ZUP1: variants seen among roughly 807,000 people sequenced by gnomAD.
The protein encoded by ZUP1 is zinc finger containing ubiquitin peptidase 1.
Under a neutral mutation model 68.1 loss-of-function variants are expected in ZUP1, and 55 were observed. The observed-to-expected ratio is 0.81, with a 90% CI of 0.65 to 1.01. ZUP1 has a LOEUF of 1.01. Among genes scored for constraint, ZUP1 ranks in the 50% least tolerant of loss-of-function variants. The probability of loss-of-function intolerance (pLI) is 0.00; values close to 1 mark genes in which losing one functional copy is unlikely to be tolerated. For synonymous variants in ZUP1, 223 were observed against 221.5 expected (o/e 1.01, Z -0.06); for missense variants, 684 against 674.9 (o/e 1.01, Z -0.15).
At position 116,645,894 on chromosome 6, in the gene ZUP1, G is replaced by GT. The variant is rs748966464; in HGVS notation, c.1508dup (p.Asn503LysfsTer10). On this transcript the variant is annotated frameshift_variant, in exon 9 of 10. Transcript: ENST00000368576. LOFTEE classifies it high-confidence loss of function. The stretch of plus-strand genomic sequence containing the variant: ...CAAGTATTAGTAAGCATAATGTTCG[G>GT]TTTTTTTTCTCTTCAATTCCAATAA... The GT allele has an allele frequency of 1.3e-5, 21 of 1,612,678 alleles. No homozygotes were observed. The highest frequency in any genetic ancestry group is 2.7e-5 in the African/African-American group (2 of 74,700).
chr6:116,644,234 A>G lies in ZUP1; in HGVS notation c.1689+1480T>C, dbSNP rs1162561993. 4.6e-5 allele frequency among the ~76,000 whole-genome samples: 7 copies of G among 152,252 alleles called. 1 individual carries two copies. Among genetic ancestry groups the G allele is most frequent in the Middle Eastern group, 6.8e-3 (2 of 294 alleles). Reference sequence around the variant, plus strand: ...GGAGAAATAGGAACACTTTTACACTATTGGTGGGACTATAAACTAGTTCAA... The same window carrying G: ...GGAGAAATAGGAACACTTTTACACTGTTGGTGGGACTATAAACTAGTTCAA... On this transcript the variant is annotated intron_variant, in intron 9 of 9. Coordinates refer to ENST00000368576, the MANE Select transcript of ZUP1 (RefSeq NM_145062.3).
At chr6:116,641,254 C>A (rs2115381020) in intron 9 of ZUP1, among the ~76,000 whole-genome samples, 1 of 151,876 alleles carries the variant, frequency 6.6e-6, no homozygotes, top group South Asian at 2.1e-4. Flanking sequence ...ACTTTAACAC[C>A]CCACTGTCAA....
At chr6:116,644,370 C>G (rs1389790026) in intron 9 of ZUP1, among the ~76,000 whole-genome samples, 1 of 152,142 alleles carries the variant, frequency 6.6e-6, no homozygotes. Flanking sequence ...AATCATGCTG[C>G]TATAAAGACA....
chr6:116,658,400 C>G (rs983546597), intron 4 of ZUP1, among the ~76,000 whole-genome samples: 3 of 152,170 alleles, frequency 2.0e-5, no homozygotes, highest in African/African-American at 7.2e-5. Context: ...ATAAATTTCG[C>G]TTCCAAGCAT....
chr6:116,656,837 C>G lies in ZUP1; in HGVS notation c.808G>C (p.Asp270His), dbSNP rs774794433. The part of the protein sequence containing the change: ...FQKLQRQYGL[D>H]NSGGYKQQQL... ...TGTTGTTTGTATCCTCCAGAATTAT[C>G]TAAACCATATTGTCTCTATTGAACA... Residue 270 changes from aspartate (D) to histidine (H), a missense_variant, in exon 5 of 10, where the codon GAT (aspartate) becomes CAT (histidine). Asp to His is a moderately conservative substitution (Grantham distance 81). Transcript: ENST00000368576. The G allele has an allele frequency of 1.2e-6, 2 of 1,601,168 alleles. No homozygotes were observed. The highest frequency in any genetic ancestry group is 3.4e-5 in the Admixed American group (2 of 58,482).
chr6:116,660,663 A>AATT, intron 3 of ZUP1, 73 bp downstream of exon 3: 1 of 781,268 alleles, frequency 1.3e-6, no homozygotes, highest in Non-Finnish European at 1.9e-6. Flanking sequence ...CATATCACAA[A>AATT]TCTAAAAATT....
intron 9 of ZUP1, among the ~76,000 whole-genome samples, chr6:116,643,291 C>T (rs998032278): frequency 3.3e-5 from 5 of 151,414 alleles, no homozygotes; most frequent in African/African-American, 1.2e-4. Flanking sequence ...CAATGCCATC[C>T]CCATCAAGCT....
chr6:116,660,857 G>T lies in ZUP1; in HGVS notation c.560-11C>A. ...GTGGTTGATCACAGTCTGTATCAGA[G>T]ATATAATTAAGTTGTTTTTATTTTT... On this transcript the variant is annotated splice_polypyrimidine_tract_variant and intron_variant, in intron 2 of 9. Coordinates refer to ENST00000368576, the MANE Select transcript of ZUP1 (RefSeq NM_145062.3). 1 of 1,347,912 alleles carries T rather than the reference G, an allele frequency of 7.4e-7. No individual in the cohort carries two copies. The highest frequency in any genetic ancestry group is 1.0e-6 in the Non-Finnish European group (1 of 970,934). The allele number at this position is 1,347,912 out of a possible 1,614,324, so 83.5% of individuals were successfully genotyped here.
chr6:116,640,401 C>T (rs1442961952), intron 9 of ZUP1, among the ~76,000 whole-genome samples: 6 of 151,998 alleles, frequency 3.9e-5, no homozygotes, highest in African/African-American at 1.2e-4. Context: ...TTTACCAAAG[C>T]TGAAATGAAG....
intron 3 of ZUP1, 102 bp from the exon 4 acceptor site, chr6:116,659,026 C>A (rs1776754979): frequency 9.3e-7 from 1 of 1,069,674 alleles, no homozygotes. Flanking sequence ...CTGTTATTTG[C>A]CATTTATTCA....
At position 116,652,072 on chromosome 6, in the gene ZUP1, C is replaced by T. The variant is rs764239824; in HGVS notation, c.1082G>A (p.Gly361Asp). Residue 361 changes from glycine (G) to aspartate (D), a missense_variant, in exon 6 of 10, where the codon GGT (glycine) becomes GAT (aspartate). Transcript: ENST00000368576. ...AAGTAGCATTTGGAAATTTCTGTAA[C>T]CACAACCCCAACCTTTGTCGCCTAA... ...SSLGDKGWGC[G>D]YRNFQMLLSS... is the part of the protein sequence containing the mutation. 5 of 1,613,786 alleles carry T rather than the reference C, an allele frequency of 3.1e-6. No individual in the cohort carries two copies. The highest frequency in any genetic ancestry group is 2.7e-5 in the African/African-American group (2 of 74,874).
chr6:116,667,067 A>C lies in ZUP1; in HGVS notation c.126T>G (p.Asp42Glu). ...CTGTTTCGATATGAAAACACATTTCATCATAATTCACACCTGACAACTTGC... is the reference window on the plus strand; with the variant it reads ...CTGTTTCGATATGAAAACACATTTCCTCATAATTCACACCTGACAACTTGC... ...PFCKLSGVNY[D>E]EMCFHIETAH... Residue 42 changes from aspartate to glutamate, a missense_variant, in exon 2 of 10, where the codon GAT (aspartate) becomes GAG (glutamate). Asp to Glu is a conservative substitution (Grantham distance 45). Coordinates refer to ENST00000368576, the MANE Select transcript of ZUP1 (RefSeq NM_145062.3). 1 of 1,613,846 alleles carries C rather than the reference A, an allele frequency of 6.2e-7. No individual in the cohort carries two copies. Among genetic ancestry groups the C allele is most frequent in the Non-Finnish European group, 8.5e-7 (1 of 1,179,878 alleles).
Position 116,641,255 on chromosome 6 carries a change from C to G in ZUP1, c.1689+4459G>C, listed in dbSNP as rs543289885. Reference sequence around the variant, plus strand: ...AATAATAATGGGAGACTTTAACACCCCACTGTCAACATTAGACAGATCAAC... The same window carrying G: ...AATAATAATGGGAGACTTTAACACCGCACTGTCAACATTAGACAGATCAAC... On this transcript the variant is annotated intron_variant, in intron 9 of 9. Coordinates refer to ENST00000368576, the MANE Select transcript of ZUP1 (RefSeq NM_145062.3). 3.7e-3 allele frequency among the ~76,000 whole-genome samples: 563 copies of G among 151,948 alleles called. 16 individuals are homozygous for G. The South Asian group carries it at 0.064, about 17-fold the overall frequency.
chr6:116,638,739 ACAG>A (rs938212913), intron 9 of ZUP1, among the ~76,000 whole-genome samples: 2 of 152,220 alleles, frequency 1.3e-5, no homozygotes, highest in African/African-American at 4.8e-5. Context: ...GCTCCGGTCT[ACAG>A]CTCCCAGCAT....
Position 116,635,738 on chromosome 6 carries a change from TCA to T in ZUP1, c.*92_*93del, listed in dbSNP as rs918301584. The T allele has an allele frequency of 8.3e-6, 8 of 965,846 alleles. No homozygotes were observed. The highest frequency in any genetic ancestry group is 1.7e-5 in the South Asian group (1 of 58,132). 59.8% of individuals were successfully genotyped at this position (965,846 alleles called of 1,614,324 possible). A position where few individuals can be genotyped will look rare whatever the true frequency, so the allele number is the denominator to read the frequency against. ...ATTATATGTTAAGACTTAAGAGAAT[TCA>T]CAGATTCATAATTGTATTAAGGAGT... On this transcript the variant is annotated 3_prime_UTR_variant, in exon 10 of 10. Coordinates refer to ENST00000368576, the MANE Select transcript of ZUP1 (RefSeq NM_145062.3).
At chr6:116,652,236 T>C (rs752363752) in intron 5 of ZUP1, 44 bp from the exon 6 acceptor site, 8 of 1,469,174 alleles carry the variant, frequency 5.4e-6, no homozygotes, top group African/African-American at 1.4e-5. Context: ...ATCACCTTTA[T>C]ATTGCTATCT....
At chr6:116,665,806 G>A (rs1454134409) in intron 2 of ZUP1, among the ~76,000 whole-genome samples, 9 of 144,690 alleles carry the variant, frequency 6.2e-5, no homozygotes, top group South Asian at 2.2e-4. Context: ...GCCCAGGATC[G>A]TCTCGAACTC....
At position 116,644,680 on chromosome 6, in the gene ZUP1, G is replaced by C. The variant is rs551231417; in HGVS notation, c.1689+1034C>G. On this transcript the variant is annotated intron_variant, in intron 9 of 9. Coordinates refer to ENST00000368576, the MANE Select transcript of ZUP1 (RefSeq NM_145062.3). ...CAGGAAGGGGAACATCACACTCTGG[G>C]GACTGTTGTGGGGTGGGGGGAGTGG... 5.9e-5 allele frequency among the ~76,000 whole-genome samples: 9 copies of C among 151,862 alleles called. 1 individual carries two copies. In the Middle Eastern group the frequency reaches 0.014, roughly 230 times the overall value.
At chr6:116,663,621 C>T (rs1776908957) in intron 2 of ZUP1, among the ~76,000 whole-genome samples, 1 of 152,026 alleles carries the variant, frequency 6.6e-6, no homozygotes, top group South Asian at 2.1e-4. Flanking sequence ...TTAGAATACT[C>T]AAGGGAATTA....
Sources: allele counts gnomAD v4.1 joint callset (sites outside exome capture counted in the v4.1 genomes callset), GRCh38; gene constraint gnomAD v4.1.1; transcripts MANE v1.5; gene names NCBI Gene and HGNC (gene_info 2026-07-23, HGNC 2026-07-21).